Variants in DPF3 observed in about 807,000 individuals in gnomAD.
DPF3 encodes the protein double PHD fingers 3.
Under a neutral mutation model 56.8 loss-of-function variants are expected in DPF3, and 18 were observed. The observed-to-expected ratio is 0.32, with a 90% confidence interval of 0.22 to 0.47. The LOEUF (loss-of-function observed/expected upper bound fraction) is 0.47. Ranked by LOEUF, DPF3 falls within the 20% of genes least tolerant of loss-of-function variation. DPF3 has a pLI of 1.00. For missense variants in DPF3, 403 were observed against 488.8 expected (o/e 0.82, Z 1.65); for synonymous variants, 188 against 180.2 (o/e 1.04, Z -0.35).
intron 3 of DPF3, among the ~76,000 whole-genome samples, chr14:72,732,930 CTCTCTTTCTT>C (rs1434872559): frequency 2.7e-5 from 4 of 150,492 alleles, no homozygotes; most frequent in Non-Finnish European, 4.4e-5. Context: ...TTCTCTCTCT[CTCTCTTTCTT>C]TCTCTTTTAG....
intron 1 of DPF3, among the ~76,000 whole-genome samples, chr14:72,857,157 A>G (rs1885199789): frequency 6.6e-6 from 1 of 152,132 alleles, no homozygotes. Flanking sequence ...TAGAATAACT[A>G]TTTGCTAAGC....
chr14:72,790,354 T>C (rs1892378010), intron 1 of DPF3, among the ~76,000 whole-genome samples: 1 of 152,214 alleles, frequency 6.6e-6, no homozygotes, highest in South Asian at 2.1e-4. Context: ...CACCAGTGCC[T>C]AAAGCTGGTC....
At chr14:72,854,042 T>C (rs1885086009) in intron 1 of DPF3, among the ~76,000 whole-genome samples, 1 of 152,164 alleles carries the variant, frequency 6.6e-6, no homozygotes. Flanking sequence ...ACCAATAGAC[T>C]GGAATCTCTC....
chr14:72,701,410 C>A (rs1365285464), intron 6 of DPF3, among the ~76,000 whole-genome samples: 1 of 152,216 alleles, frequency 6.6e-6, no homozygotes, highest in African/African-American at 2.4e-5. Context: ...GAGTGTTTGC[C>A]CACTTCCCAA....
rs79173057 is a variant in DPF3 at position 72,839,940 on chromosome 14, C to T, written c.32+54117G>A. 8.9e-3 allele frequency among the ~76,000 whole-genome samples: 1,351 copies of T among 152,328 alleles called. 20 individuals carry two copies. The highest frequency in any genetic ancestry group is 0.031 in the African/African-American group (1,285 of 41,562). On this transcript the variant is annotated intron_variant, in intron 1 of 10. Transcript: ENST00000556509. ...TGCGATCAGGAAGTGACCTGAGAAG[C>T]TGGAGTTCTGGACTCACAGACCCAG...
intron 5 of DPF3, among the ~76,000 whole-genome samples, chr14:72,722,952 G>A (rs1889242307): frequency 6.6e-6 from 1 of 151,576 alleles, no homozygotes; most frequent in South Asian, 2.1e-4. Context: ...CAGAGCTCAT[G>A]CCAAACCCAC....
At chr14:72,790,954 C>T (rs1892405450) in intron 1 of DPF3, among the ~76,000 whole-genome samples, 1 of 152,204 alleles carries the variant, frequency 6.6e-6, no homozygotes, top group Non-Finnish European at 1.5e-5. Flanking sequence ...CCTCTTCCCT[C>T]TGCTCCTGGT....
chr14:72,683,591 C>T (rs1462305084), intron 7 of DPF3, among the ~76,000 whole-genome samples: 1 of 152,170 alleles, frequency 6.6e-6, no homozygotes, highest in Non-Finnish European at 1.5e-5. Context: ...GGAGGCTATG[C>T]AGCTCAGCTA....
At chr14:72,809,334 G>A (rs1463967946) in intron 1 of DPF3, among the ~76,000 whole-genome samples, 2 of 152,268 alleles carry the variant, frequency 1.3e-5, no homozygotes, top group African/African-American at 2.4e-5. Flanking sequence ...CCTGGCCCTG[G>A]CCACTGCCTG....
rs1883766019 is a variant in DPF3, at chr14:72,612,168, A to G, written c.*7129T>C. Among the ~76,000 whole-genome samples the G allele has an allele frequency of 6.6e-6, 1 of 152,174 alleles. No homozygotes were observed. The highest frequency in any genetic ancestry group is 1.9e-4 in the East Asian group (1 of 5,186). On this transcript the variant is annotated 3_prime_UTR_variant, in exon 11 of 11. Coordinates refer to ENST00000556509, the MANE Select transcript of DPF3 (RefSeq NM_001280542.3). ...CCAGGGTGGACAACCATGGCAGATG[A>G]GTGGGGGGCAGCTTGGATGGACTCT...
chr14:72,812,624 G>A (rs908460893), intron 1 of DPF3, among the ~76,000 whole-genome samples: 5 of 152,148 alleles, frequency 3.3e-5, no homozygotes, highest in Non-Finnish European at 4.4e-5. Context: ...CGGAGAGTAC[G>A]CTGGGCCCGG....
At position 72,713,058 on chromosome 14, in the gene DPF3, T is replaced by C. The variant is rs190642924; in HGVS notation, c.604+1365A>G. On this transcript the variant is annotated intron_variant, in intron 6 of 10. Transcript: ENST00000556509. Reference sequence around the variant, plus strand: ...GCCAGTCTCTCAAGGGTCAGCATGCTGGGGCTTCTATGTATCAGAGTGAAA... The same window carrying C: ...GCCAGTCTCTCAAGGGTCAGCATGCCGGGGCTTCTATGTATCAGAGTGAAA... Among the ~76,000 whole-genome samples the C allele has an allele frequency of 2.8e-4, 42 of 152,348 alleles. 1 individual carries two copies. Among genetic ancestry groups the C allele is most frequent in the African/African-American group, 1.0e-3 (42 of 41,592 alleles).
chr14:72,763,530 A>G (rs748263271), intron 2 of DPF3, among the ~76,000 whole-genome samples: 1 of 152,160 alleles, frequency 6.6e-6, no homozygotes, highest in Non-Finnish European at 1.5e-5. Context: ...AAACAATTGA[A>G]TATCCATCTG....
At chr14:72,651,976 C>T (rs1885922315) in intron 8 of DPF3, among the ~76,000 whole-genome samples, 1 of 152,210 alleles carries the variant, frequency 6.6e-6, no homozygotes, top group South Asian at 2.1e-4. Context: ...TGGGTTCTCC[C>T]TGGGGCTGGC....
intron 1 of DPF3, among the ~76,000 whole-genome samples, chr14:72,786,014 C>T (rs1486173949): frequency 1.3e-5 from 2 of 152,216 alleles, no homozygotes; most frequent in Non-Finnish European, 2.9e-5. Flanking sequence ...GTAATGCCAA[C>T]ATTTTGGGAA....
intron 1 of DPF3, among the ~76,000 whole-genome samples, chr14:72,805,661 C>A (rs1449833789): frequency 6.6e-6 from 1 of 152,116 alleles, no homozygotes; most frequent in Non-Finnish European, 1.5e-5. Flanking sequence ...GCCTGGCCAA[C>A]AAGGTGAAAT....
At chr14:72,855,749 C>T (rs765549732) in intron 1 of DPF3, among the ~76,000 whole-genome samples, 1 of 152,140 alleles carries the variant, frequency 6.6e-6, no homozygotes, top group Non-Finnish European at 1.5e-5. Flanking sequence ...AGTATGTAAC[C>T]CACATATAAG....
intron 7 of DPF3, among the ~76,000 whole-genome samples, chr14:72,685,349 C>G (rs1412504001): frequency 6.6e-6 from 1 of 152,220 alleles, no homozygotes; most frequent in Non-Finnish European, 1.5e-5. Flanking sequence ...GTCTGTTACT[C>G]AACCTCTCTG....
chr14:72,648,723 C>G (rs1885803855), intron 8 of DPF3, among the ~76,000 whole-genome samples: 1 of 152,086 alleles, frequency 6.6e-6, no homozygotes, highest in Admixed American at 6.6e-5. Flanking sequence ...ACCAGGATCC[C>G]TACCTCTCAC....
Sources: allele counts gnomAD v4.1 joint callset (sites outside exome capture counted in the v4.1 genomes callset), GRCh38; gene constraint gnomAD v4.1.1; transcripts MANE v1.5; gene names NCBI Gene and HGNC (gene_info 2026-07-23, HGNC 2026-07-21).